The following ZNF738 variants were observed in gnomAD, a reference collection of about 807,000 sequenced individuals.
ZNF738 encodes protein ZNF738.
ZNF738 carries 10 observed loss-of-function variants against 9.2 expected under a neutral mutation model. The observed-to-expected ratio is 1.09, with a 90% CI of 0.67 to 1.85. The LOEUF is 1.85. ZNF738 is among the 40% of genes most tolerant of loss of function. The pLI, the probability that ZNF738 is intolerant of heterozygous loss-of-function variation, is 0.00. For synonymous variants in ZNF738, 113 were observed against 94.5 expected, an observed-to-expected ratio of 1.20 and a Z score of -1.14; for missense variants, 346 against 283.6, an observed-to-expected ratio of 1.22 and a Z score of -1.58.
In ZNF738 at chr19:21,383,201, C is replaced by G; in HGVS notation, c.655C>G (p.Leu219Val). Residue 219 changes from leucine to valine, a missense_variant, in exon 5 of 5, where the codon CTA becomes GTA. Physicochemically the swap from Leu to Val is conservative, Grantham distance 32 (BLOSUM62 1). Transcript: ENST00000683779. ...CGKSFCMLLH[L>V]GQHKIIHIRE... ...CAAATCATTTTGCATGCTTTTACAC[C>G]TAGGTCAACATAAAATAATTCATAT... 1.9e-6 allele frequency: 3 copies of G among 1,599,100 alleles called. No individual in the cohort carries two copies. Among genetic ancestry groups the G allele is most frequent in the Non-Finnish European group, 2.6e-6 (3 of 1,167,928 alleles).
chr19:21,362,138 A>T (rs1386357159), intron 2 of ZNF738, among the ~76,000 whole-genome samples: 1 of 149,882 alleles, frequency 6.7e-6, no homozygotes, highest in Admixed American at 6.7e-5. Context: ...ATAATGAATA[A>T]ATTGTCTTCT....
At chr19:21,381,769 A>G (rs1599720282) in intron 4 of ZNF738, 1 of 291,294 alleles carries the variant, frequency 3.4e-6, no homozygotes, top group East Asian at 9.0e-5. Context: ...CTGGGATTAC[A>G]AGCGTGAGCC....
intron 1 of ZNF738, among the ~76,000 whole-genome samples, 184 bp downstream of exon 1, chr19:21,359,327 C>T (rs1973651097): frequency 6.6e-6 from 1 of 152,184 alleles, no homozygotes; most frequent in Non-Finnish European, 1.5e-5. Context: ...GACAGCCCGG[C>T]CCCCGGGCGT....
chr19:21,372,647 A>G (rs979248176), intron 2 of ZNF738: 4 of 152,240 alleles, frequency 2.6e-5, no homozygotes, highest in East Asian at 1.9e-4. Flanking sequence ...ACAAGTAAAC[A>G]TAAACACAAA....
At position 21,385,468 on chromosome 19, in the gene ZNF738, TAAATA is replaced by T. The variant is rs1406223026; in HGVS notation, c.*1797_*1801del. ...GAGACTCTATCTCCAAAAAAATAAA[TAAATA>T]AATAAAAAAAATAAGAGAGTTCATA... On this transcript the variant is annotated 3_prime_UTR_variant, in exon 5 of 5. Transcript: ENST00000683779. Among the ~76,000 whole-genome samples the T allele has an allele frequency of 2.0e-5, 3 of 148,902 alleles. No individual in the cohort carries two copies. Among genetic ancestry groups the T allele is most frequent in the African/African-American group, 7.4e-5 (3 of 40,394 alleles).
chr19:21,360,327 C>G (rs971889988), intron 1 of ZNF738: 2 of 152,204 alleles, frequency 1.3e-5, no homozygotes. Context: ...AGTCTAACCC[C>G]CATCCCTCAT....
intron 2 of ZNF738, among the ~76,000 whole-genome samples, chr19:21,367,659 C>G (rs1325270009): frequency 6.6e-6 from 1 of 152,118 alleles, no homozygotes; most frequent in Non-Finnish European, 1.5e-5. Flanking sequence ...TGCCCATTGT[C>G]CTGTGATTCC....
intron 4 of ZNF738, chr19:21,381,697 G>A (rs1228307516): frequency 7.7e-5 from 28 of 363,358 alleles, no homozygotes; most frequent in Non-Finnish European, 1.1e-4. Context: ...GTTTCACTGC[G>A]TTAGCCAGGA....
Position 21,382,906 on chromosome 19 carries a change from G to A in ZNF738, c.360G>A (p.Pro120=), listed in dbSNP as rs7257951. The A allele has an allele frequency of 2.8e-4, 145 of 525,628 alleles. No homozygotes were observed. Among genetic ancestry groups the A allele is most frequent in the African/African-American group, 2.2e-3 (115 of 52,650 alleles). The allele number at this position is 525,628 out of a possible 1,614,324, so 32.6% of individuals were successfully genotyped here. A position where few individuals can be genotyped will look rare whatever the true frequency, so the allele number is the denominator to read the frequency against. Residue 120 remains proline, a synonymous_variant, in exon 5 of 5, where the codon CCG becomes CCA. Coordinates refer to ENST00000683779, the MANE Select transcript of ZNF738 (RefSeq NM_001355237.2). ...SHFAQDLWPQ[P]GIKDSFQKVI... ...TTGCCCAGGACCTTTGGCCACAGCC[G>A]GGCATAAAAGATTCTTTCCAAAAAG...
At position 21,384,385 on chromosome 19, in the gene ZNF738, A is replaced by G. The variant is rs1011922991; in HGVS notation, c.*711A>G. Reference sequence around the variant, plus strand: ...AATGTATTCTCAACCCTTACTAAACATAAGAGAATTCATAATGGAGAGAAA... The same window carrying G: ...AATGTATTCTCAACCCTTACTAAACGTAAGAGAATTCATAATGGAGAGAAA... On this transcript the variant is annotated 3_prime_UTR_variant, in exon 5 of 5. Transcript: ENST00000683779. Among the ~76,000 whole-genome samples, 1 of 152,188 alleles carries G rather than the reference A, an allele frequency of 6.6e-6. No homozygotes were observed. Among genetic ancestry groups the G allele is most frequent in the Non-Finnish European group, 1.5e-5 (1 of 68,032 alleles).
chr19:21,363,109 G>A (rs1425673532), intron 2 of ZNF738, among the ~76,000 whole-genome samples: 1 of 152,104 alleles, frequency 6.6e-6, no homozygotes, highest in Non-Finnish European at 1.5e-5. Context: ...TTTGCTGCAT[G>A]ATTTTTAATG....
chr19:21,376,949 A>G (rs1041687629), intron 4 of ZNF738, among the ~76,000 whole-genome samples: 2 of 152,128 alleles, frequency 1.3e-5, no homozygotes, highest in African/African-American at 2.4e-5. Context: ...AGAATGTTGC[A>G]TAAGCTATTT....
rs761392260 is a variant in ZNF738, at chr19:21,386,245, G to A, written c.*2571G>A. ...TTCTGCACATAAGATAATTTATACT[G>A]TGGAGAAGCCTTACAAATGTGAAAA... On this transcript the variant is annotated 3_prime_UTR_variant, in exon 5 of 5. Coordinates refer to ENST00000683779, the MANE Select transcript of ZNF738 (RefSeq NM_001355237.2). 10 of 287,022 alleles carry A rather than the reference G, an allele frequency of 3.5e-5. No individual in the cohort carries two copies. Among genetic ancestry groups the A allele is most frequent in the Non-Finnish European group, 7.1e-5 (10 of 140,698 alleles). The allele number at this position is 287,022 out of a possible 1,614,324, so 17.8% of individuals were successfully genotyped here.
Position 21,371,743 on chromosome 19 carries a change from C to T in ZNF738, c.97-3495C>T, listed in dbSNP as rs561374904. 2.7e-5 allele frequency among the ~76,000 whole-genome samples: 4 copies of T among 147,028 alleles called. No homozygotes were observed. The South Asian group carries it at 6.8e-4, about 25-fold the overall frequency. On this transcript the variant is annotated intron_variant, in intron 2 of 4. Coordinates refer to ENST00000683779, the MANE Select transcript of ZNF738 (RefSeq NM_001355237.2). ...TTGTTGTGACTTCTGAAGTTATCAC[C>T]TGAACGTATATTTATGGACTGAAGA...
rs188945713 is a variant in ZNF738 at position 21,387,654 on chromosome 19, C to T, written c.*3980C>T. ...ACATTAATATCTGCTTACATCTTAA[C>T]ACCAGAGAGTTCATACTTAATAAAA... On this transcript the variant is annotated 3_prime_UTR_variant, in exon 5 of 5. Transcript: ENST00000683779. 5.3e-5 allele frequency among the ~76,000 whole-genome samples: 8 copies of T among 152,318 alleles called. No homozygotes were observed. Among genetic ancestry groups the T allele is most frequent in the African/African-American group, 1.9e-4 (8 of 41,574 alleles).
chr19:21,359,071 C>G lies in ZNF738; in HGVS notation c.-70C>G. 1 of 920,242 alleles carries G rather than the reference C, an allele frequency of 1.1e-6. No individual in the cohort carries two copies. 57.0% of individuals were successfully genotyped at this position (920,242 alleles called of 1,614,324 possible). On this transcript the variant is annotated 5_prime_UTR_variant, in exon 1 of 5. Coordinates refer to ENST00000683779, the MANE Select transcript of ZNF738 (RefSeq NM_001355237.2). ...TGTCCTCTGCTCCTAGAGGCCCAGC[C>G]TCTGGTCCTGTGACCTGCAGGTATT...
chr19:21,363,423 C>T (rs1168306764), intron 2 of ZNF738, among the ~76,000 whole-genome samples: 1 of 152,108 alleles, frequency 6.6e-6, no homozygotes, highest in African/African-American at 2.4e-5. Context: ...CTGCTCACTC[C>T]AGTCATGGAA....
chr19:21,372,991 A>G (rs182138624), intron 2 of ZNF738: 52 of 152,294 alleles, frequency 3.4e-4, no homozygotes, highest in Non-Finnish European at 1.3e-4. Context: ...AGAGTGCGGC[A>G]TGTAAAGGAC....
At chr19:21,363,836 C>T (rs1052626418) in intron 2 of ZNF738, among the ~76,000 whole-genome samples, 2 of 150,318 alleles carry the variant, frequency 1.3e-5, no homozygotes, top group Admixed American at 6.7e-5. Flanking sequence ...TGCAGTGAGC[C>T]GATAACGGTC....
Sources: allele counts gnomAD v4.1 joint callset (sites outside exome capture counted in the v4.1 genomes callset), GRCh38; gene constraint gnomAD v4.1.1; transcripts MANE v1.5; gene names NCBI Gene and HGNC (gene_info 2026-07-23, HGNC 2026-07-21).